The following BPHL variants were observed in gnomAD, a reference collection of about 807,000 sequenced individuals.
The protein encoded by BPHL is serine hydrolase BPHL.
In BPHL, 27 loss-of-function variants were observed where a neutral mutation model predicts 31.2. The ratio of observed to expected loss-of-function variants is 0.87; its 90% CI spans 0.64 to 1.19. The LOEUF is 1.19. Among genes scored for constraint, BPHL ranks in the 50% most tolerant of loss-of-function variants. The pLI, the probability that BPHL is intolerant of heterozygous loss-of-function variation, is 0.00. For missense variants in BPHL, 356 were observed against 375.7 expected, an observed-to-expected ratio of 0.95 and a Z score of 0.43; for synonymous variants, 150 against 146.8, an observed-to-expected ratio of 1.02 and a Z score of -0.16.
chr6:3,140,302 GGGCAGGGCT>G lies in BPHL; in HGVS notation c.665-83_665-75del. The G allele has an allele frequency of 6.5e-7, 1 of 1,549,454 alleles. No homozygotes were observed. Among genetic ancestry groups the G allele is most frequent in the Non-Finnish European group, 8.8e-7 (1 of 1,135,610 alleles). On this transcript the variant is annotated intron_variant, in intron 5 of 6. Transcript: ENST00000380379. The surrounding 1 kb of genome is among the most constrained non-coding windows in gnomAD (Gnocchi z 5.2). ...GATAGGGAAACTGAGGGCCAAGGAG[GGGCAGGGCT>G]CGCCGAGTTTCGCCTCCTCTGACCG...
At position 3,140,539 on chromosome 6, in the gene BPHL, C is replaced by T. The variant is rs376324470; in HGVS notation, c.788+30C>T. 1.9e-6 allele frequency: 3 copies of T among 1,609,770 alleles called. No homozygotes were observed. Among genetic ancestry groups the T allele is most frequent in the Non-Finnish European group, 2.5e-6 (3 of 1,178,970 alleles). ...GTCCTGTCACCGCCTTCACACTCCC[C>T]CCGAGAGCCTCGGAGTCAATGGGCA... On this transcript the variant is annotated intron_variant, in intron 6 of 6. Coordinates refer to ENST00000380379, the MANE Select transcript of BPHL (RefSeq NM_004332.4). The surrounding 1 kb of genome is among the most constrained non-coding windows in gnomAD (Gnocchi z 5.2).
chr6:3,138,791 G>A (rs191489704), intron 5 of BPHL: 6 of 152,334 alleles, frequency 3.9e-5, no homozygotes, highest in Non-Finnish European at 5.9e-5. Context: ...AAACTTGGAT[G>A]TTTTGTTGAA....
At position 3,127,262 on chromosome 6, in the gene BPHL, G is replaced by T; in HGVS notation, c.232G>T (p.Gly78Ter). ...TTTAGGAAGTGGAGAGACTGATTTTGGACCTCAGCTCAAGAACCTCAATAA... is the reference window on the plus strand; with the variant it reads ...TTTAGGAAGTGGAGAGACTGATTTTTGACCTCAGCTCAAGAACCTCAATAA... Reference protein sequence around the residue: ...GMLGSGETDFGPQLKNLNKKL... With the variant: ...GMLGSGETDF Residue 78 changes from glycine (G) to a stop codon, truncating the protein, a stop_gained, in exon 3 of 7, where the codon GGA (glycine) becomes TGA (stop). Coordinates refer to ENST00000380379, the MANE Select transcript of BPHL (RefSeq NM_004332.4). LOFTEE classifies it high-confidence loss of function. 2 of 1,562,512 alleles carry T rather than the reference G, an allele frequency of 1.3e-6. No individual in the cohort carries two copies. The highest frequency in any genetic ancestry group is 1.7e-6 in the Non-Finnish European group (2 of 1,149,708).
At chr6:3,139,833 A>G (rs567832177) in intron 5 of BPHL, 1 of 152,778 alleles carries the variant, frequency 6.5e-6, no homozygotes, top group African/African-American at 2.4e-5. Context: ...TTGCCTCAGG[A>G]AAGTTCTCAT....
chr6:3,119,835 T>C (rs1761511238), intron 1 of BPHL, among the ~76,000 whole-genome samples: 1 of 152,224 alleles, frequency 6.6e-6, no homozygotes, highest in South Asian at 2.1e-4. Flanking sequence ...AGGGCAAATC[T>C]GACCAGCTTT....
Position 3,140,191 on chromosome 6 carries a change from CAG to C in BPHL, c.665-189_665-188del, listed in dbSNP as rs1304185001. On this transcript the variant is annotated intron_variant, in intron 5 of 6. Transcript: ENST00000380379. The surrounding 1 kb of genome is among the most constrained non-coding windows in gnomAD (Gnocchi z 5.2). ...CAGAAACAGGCAAACAAACAAGAAACAGAGAGAAACAGAAAAGGGAACCCAAA... is the reference window on the plus strand; with the variant it reads ...CAGAAACAGGCAAACAAACAAGAAACAGAGAAACAGAAAAGGGAACCCAAA... 5 of 627,294 alleles carry C rather than the reference CAG, an allele frequency of 8.0e-6. No individual in the cohort carries two copies. The highest frequency in any genetic ancestry group is 1.3e-5 in the Non-Finnish European group (5 of 381,124). 38.9% of individuals were successfully genotyped at this position (627,294 alleles called of 1,614,324 possible).
chr6:3,145,280 TGCTGGTTCGGGTCC>T lies in BPHL; in HGVS notation c.788+4773_788+4786del, dbSNP rs1302869760. On this transcript the variant is annotated intron_variant, in intron 6 of 6. Transcript: ENST00000380379. ...GGTGGAGTGCTGGTGTGGGTTGGAG[TGCTGGTTCGGGTCC>T]GAGTGCTGGTTCGGGGTGGAGTGCT... 4.5e-5 allele frequency among the ~76,000 whole-genome samples: 2 copies of T among 44,022 alleles called. 1 individual carries two copies. 28.9% of individuals were successfully genotyped at this position (44,022 alleles called of 152,430 possible). A position where few individuals can be genotyped will look rare whatever the true frequency, so the allele number is the denominator to read the frequency against.
intron 2 of BPHL, 43 bp from the exon 3 acceptor site, chr6:3,127,199 A>G (rs17136186): frequency 5.1e-6 from 7 of 1,370,996 alleles, no homozygotes; most frequent in Admixed American, 2.3e-5. Flanking sequence ...TGTGTTTGAT[A>G]GTGAAAGCGA....
At chr6:3,122,659 G>A (rs909349945) in intron 1 of BPHL, among the ~76,000 whole-genome samples, 2 of 152,164 alleles carry the variant, frequency 1.3e-5, no homozygotes, top group Admixed American at 1.3e-4. Flanking sequence ...TGGATCCTAG[G>A]AGGTCTTAGG....
chr6:3,142,507 A>G lies in BPHL; in HGVS notation c.788+1998A>G, dbSNP rs556856399. Among the ~76,000 whole-genome samples the G allele has an allele frequency of 5.3e-5, 8 of 152,308 alleles. No homozygotes were observed. In the East Asian group the frequency reaches 7.7e-4, roughly 15 times the overall value. ...GTGATATCTCCATATAGCACTTAAT[A>G]TTTTAAAAGGTATTTTATATATAGT... On this transcript the variant is annotated intron_variant, in intron 6 of 6. Transcript: ENST00000380379.
chr6:3,138,735 A>C (rs1762082674), intron 5 of BPHL: 1 of 152,244 alleles, frequency 6.6e-6, no homozygotes, highest in Non-Finnish European at 1.5e-5. Context: ...CCATGAAACG[A>C]TGTTTGAGAC....
In BPHL at chr6:3,140,491, A is replaced by C; in HGVS notation, c.770A>C (p.Lys257Thr). ...CGGTTTCATGCCGACTTCATTCATA[A>C]GCACGTGAAAGGCTCACGGTAAGTC... ...VPRFHADFIH[K>T]HVKGSRLHLM... Residue 257 changes from lysine (K) to threonine (T), a missense_variant, in exon 6 of 7, where the codon AAG (lysine) becomes ACG (threonine). Physicochemically the swap from Lys to Thr is moderately conservative, Grantham distance 78 (BLOSUM62 -1). Transcript: ENST00000380379. The surrounding 1 kb of genome is among the most constrained non-coding windows in gnomAD (Gnocchi z 5.2). 1 of 1,614,130 alleles carries C rather than the reference A, an allele frequency of 6.2e-7. No homozygotes were observed. Among genetic ancestry groups the C allele is most frequent in the Non-Finnish European group, 8.5e-7 (1 of 1,180,044 alleles).
intron 6 of BPHL, among the ~76,000 whole-genome samples, chr6:3,151,019 G>A (rs573803921): frequency 2.0e-5 from 3 of 152,270 alleles, no homozygotes; most frequent in East Asian, 1.9e-4. Flanking sequence ...AAAAAGAAAC[G>A]ATTCACAGCG....
In BPHL at chr6:3,149,657, G is replaced by C. The variant is rs1488148187; in HGVS notation, c.789-2831G>C. Among the ~76,000 whole-genome samples, 1 of 152,166 alleles carries C rather than the reference G, an allele frequency of 6.6e-6. No individual in the cohort carries two copies. The highest frequency in any genetic ancestry group is 2.4e-5 in the African/African-American group (1 of 41,436). ...TTGTTTGTTTGTTTGTTGTGAGATA[G>C]AGCCTTGCTCTATTGCCCGGGCTGG... On this transcript the variant is annotated intron_variant, in intron 6 of 6. Transcript: ENST00000380379. The surrounding 1 kb of genome is among the most constrained non-coding windows in gnomAD (Gnocchi z 4.6).
rs989262091 is a variant in BPHL, at chr6:3,149,211, G to A, written c.789-3277G>A. On this transcript the variant is annotated intron_variant, in intron 6 of 6. Transcript: ENST00000380379. This position sits in a 1 kb window ranked among gnomAD's most constrained non-coding sequence, Gnocchi z 4.6. ...GGTTAGACAAAACTGTCCTGGCCCC[G>A]TAAAGCCAGTGTTTTCCTCCCACGA... Among the ~76,000 whole-genome samples the A allele has an allele frequency of 5.3e-5, 8 of 152,060 alleles. No individual in the cohort carries two copies. Among genetic ancestry groups the A allele is most frequent in the African/African-American group, 1.9e-4 (8 of 41,394 alleles).
At chr6:3,120,482 G>C (rs1761538983) in intron 1 of BPHL, among the ~76,000 whole-genome samples, 1 of 152,138 alleles carries the variant, frequency 6.6e-6, no homozygotes, top group Non-Finnish European at 1.5e-5. Flanking sequence ...GCTGCAAGTT[G>C]ATATGACATA....
chr6:3,120,866 A>G lies in BPHL; in HGVS notation c.107+2019A>G, dbSNP rs114272968. ...GACTGTCCTTCTGCTGACGCTTGCC[A>G]CCACGCTGTATCTGGCAGTCAGAGT... On this transcript the variant is annotated intron_variant, in intron 1 of 6. Transcript: ENST00000380379. Among the ~76,000 whole-genome samples the G allele has an allele frequency of 8.0e-3, 1,221 of 152,294 alleles. 11 individuals carry two copies. Among genetic ancestry groups the G allele is most frequent in the South Asian group, 0.028 (137 of 4,832 alleles).
intron 2 of BPHL, 85 bp downstream of exon 2, chr6:3,123,845 T>C: frequency 9.3e-7 from 1 of 1,077,072 alleles, no homozygotes; most frequent in Non-Finnish European, 1.3e-6. Flanking sequence ...TACTGATGAT[T>C]AATTTTAGTG....
chr6:3,145,793 A>G (rs71552167), intron 6 of BPHL, among the ~76,000 whole-genome samples: 2 of 28,680 alleles, frequency 7.0e-5, no homozygotes, highest in Admixed American at 3.6e-4. Flanking sequence ...GGTTCCGGCT[A>G]GAGTGCTGGT....
Sources: allele counts gnomAD v4.1 joint callset (sites outside exome capture counted in the v4.1 genomes callset), GRCh38; gene constraint gnomAD v4.1.1; non-coding constraint Gnocchi (gnomAD v3.1); transcripts MANE v1.5; gene names NCBI Gene and HGNC (gene_info 2026-07-23, HGNC 2026-07-21).